GNG7: variants seen among roughly 807,000 people sequenced by gnomAD.
GNG7 encodes the protein G protein subunit gamma 7, also known as guanine nucleotide-binding protein G(I)/G(S)/G(O) subunit gamma-7.
A neutral mutation model predicts 4.0 loss-of-function variants in GNG7; 1 was observed. That is an observed-to-expected ratio of 0.25 (90% CI 0.09 to 1.18). GNG7 has a LOEUF of 1.18. GNG7 is among the 50% of genes most tolerant of loss of function. GNG7 has a pLI of 0.50. For synonymous variants in GNG7, 34 were observed against 36.9 expected (o/e 0.92, Z 0.29); for missense variants, 86 against 91.9 (o/e 0.94, Z 0.26).
At chr19:2,613,391 G>T (rs140686984) in intron 2 of GNG7, among the ~76,000 whole-genome samples, 1 of 152,114 alleles carries the variant, frequency 6.6e-6, no homozygotes, top group Non-Finnish European at 1.5e-5. Context: ...GGGAGATCCT[G>T]CATTAATTAT....
chr19:2,569,609 A>G (rs1487680513), intron 2 of GNG7, among the ~76,000 whole-genome samples: 1 of 152,166 alleles, frequency 6.6e-6, no homozygotes, highest in African/African-American at 2.4e-5. Context: ...AGTGTGAGAC[A>G]TGACAATTAT....
At chr19:2,540,911 G>T (rs1978939388) in intron 3 of GNG7, among the ~76,000 whole-genome samples, 2 of 152,340 alleles carry the variant, frequency 1.3e-5, no homozygotes, top group South Asian at 4.1e-4. Flanking sequence ...GCCACTCCCG[G>T]CTCGATAAAC....
rs532572507 is a variant in GNG7 at position 2,524,745 on chromosome 19, CGT to C, written c.-37-4022_-37-4021del. Among the ~76,000 whole-genome samples, 46 of 152,270 alleles carry C rather than the reference CGT, an allele frequency of 3.0e-4. 1 individual carries two copies. The East Asian group carries it at 7.9e-3, about 26-fold the overall frequency. ...GCCAGTGTGCACGTGTGTATGTGCA[CGT>C]GTGTGGACACGGCACTGCATGTGCG... On this transcript the variant is annotated intron_variant, in intron 3 of 4. Coordinates refer to ENST00000382159, the MANE Select transcript of GNG7 (RefSeq NM_052847.3).
chr19:2,551,467 G>A (rs147159334), intron 3 of GNG7, among the ~76,000 whole-genome samples: 2 of 150,900 alleles, frequency 1.3e-5, no homozygotes, highest in African/African-American at 2.4e-5. Context: ...TCTAGGGAAC[G>A]CCAAAAAGCC....
chr19:2,665,102 C>T (rs1163963976), intron 1 of GNG7, among the ~76,000 whole-genome samples: 1 of 150,732 alleles, frequency 6.6e-6, no homozygotes, highest in Non-Finnish European at 1.5e-5. Flanking sequence ...GAGCTGGGGT[C>T]CCCTGGTTTA....
intron 2 of GNG7, among the ~76,000 whole-genome samples, chr19:2,568,320 C>A (rs896351887): frequency 2.0e-5 from 3 of 150,984 alleles, no homozygotes; most frequent in Non-Finnish European, 2.9e-5. Context: ...CACACGCACA[C>A]ACACATATAC....
intron 4 of GNG7, among the ~76,000 whole-genome samples, chr19:2,518,560 G>A (rs933742895): frequency 6.6e-6 from 1 of 152,122 alleles, no homozygotes; most frequent in Non-Finnish European, 1.5e-5. Flanking sequence ...GAGACTCACC[G>A]GCCGATCAGA....
chr19:2,538,449 C>G, intron 3 of GNG7: 1 of 327,378 alleles, frequency 3.1e-6, no homozygotes, highest in Non-Finnish European at 5.8e-6. Context: ...ATAGTGAGAC[C>G]CCCGTCTCTG....
intron 2 of GNG7, among the ~76,000 whole-genome samples, chr19:2,567,331 T>TGTGTGTGTGTGTGTGTGTGTGTGTGTG (rs140297869): frequency 2.9e-5 from 4 of 137,252 alleles, no homozygotes; most frequent in African/African-American, 1.2e-4. Flanking sequence ...TGTCGTCGAT[T>TGTGTGTGTGTGTGTGTGTGTGTGTGTG]TGTGTGTGTG....
chr19:2,537,200 C>T (rs1443501578), intron 3 of GNG7, among the ~76,000 whole-genome samples: 4 of 152,006 alleles, frequency 2.6e-5, no homozygotes, highest in East Asian at 1.9e-4. Flanking sequence ...CCGCCCGCCT[C>T]GGCCTCCCAA....
intron 2 of GNG7, among the ~76,000 whole-genome samples, chr19:2,615,754 C>G (rs1027495946): frequency 6.6e-6 from 1 of 152,178 alleles, no homozygotes; most frequent in African/African-American, 2.4e-5. Context: ...TGAGCCACCA[C>G]GCCTGGCCCA....
chr19:2,562,216 C>T (rs1269606951), intron 2 of GNG7, among the ~76,000 whole-genome samples: 1 of 152,124 alleles, frequency 6.6e-6, no homozygotes, highest in Non-Finnish European at 1.5e-5. Flanking sequence ...CCGGAGCTGC[C>T]GGGGTCCCCA....
chr19:2,638,008 CCAT>C (rs568370391), intron 2 of GNG7, among the ~76,000 whole-genome samples: 48 of 152,166 alleles, frequency 3.2e-4, no homozygotes, highest in Admixed American at 2.9e-3. Context: ...CTGATTTACA[CCAT>C]CTGCCCCATC....
chr19:2,591,175 A>G (rs1599409312), intron 2 of GNG7, among the ~76,000 whole-genome samples: 1 of 152,192 alleles, frequency 6.6e-6, no homozygotes, highest in Admixed American at 6.5e-5. Flanking sequence ...CTTGCGCGGT[A>G]GGTTTGGCTT....
At chr19:2,659,641 G>A (rs1324545427) in intron 1 of GNG7, among the ~76,000 whole-genome samples, 2 of 140,440 alleles carry the variant, frequency 1.4e-5, no homozygotes, top group Non-Finnish European at 1.6e-5. Flanking sequence ...AGGGAGGGAA[G>A]GAAAGAGGAA....
At chr19:2,622,972 G>A (rs1264418839) in intron 2 of GNG7, among the ~76,000 whole-genome samples, 2 of 152,242 alleles carry the variant, frequency 1.3e-5, no homozygotes, top group Non-Finnish European at 2.9e-5. Context: ...TTCTTCCTGG[G>A]GGTGTGTGGC....
At chr19:2,535,381 T>TC (rs1168726894) in intron 3 of GNG7, among the ~76,000 whole-genome samples, 1 of 150,508 alleles carries the variant, frequency 6.6e-6, no homozygotes. Flanking sequence ...ACACCTGTAG[T>TC]CCCAGCTACT....
chr19:2,577,375 C>G (rs10853960), intron 2 of GNG7, among the ~76,000 whole-genome samples: 83,061 of 152,046 alleles, frequency 0.55, 24,436 homozygotes, highest in East Asian at 0.76. Context: ...GTTGTAGGAC[C>G]GGGGTCCCTG....
rs891923387 is a variant in GNG7, at chr19:2,617,780, G to A, written c.-78+28444C>T. 9.3e-5 allele frequency among the ~76,000 whole-genome samples: 14 copies of A among 150,656 alleles called. No homozygotes were observed. The highest frequency in any genetic ancestry group is 2.9e-4 in the African/African-American group (12 of 40,758). On this transcript the variant is annotated intron_variant, in intron 2 of 4. Coordinates refer to ENST00000382159, the MANE Select transcript of GNG7 (RefSeq NM_052847.3). This position sits in a 1 kb window ranked among gnomAD's most constrained non-coding sequence, Gnocchi z 4.7. The stretch of plus-strand genomic sequence containing the variant: ...GTTGCCCAGGCTGGAGTGCAGTGGT[G>A]CAGTCACAGCTCACCGCAACCTCAG...
Sources: allele counts gnomAD v4.1 joint callset (sites outside exome capture counted in the v4.1 genomes callset), GRCh38; gene constraint gnomAD v4.1.1; non-coding constraint Gnocchi (gnomAD v3.1); transcripts MANE v1.5; gene names NCBI Gene and HGNC (gene_info 2026-07-23, HGNC 2026-07-21).